Variants in ANKRD11 observed in about 807,000 individuals in gnomAD.
The protein encoded by ANKRD11 is ankyrin repeat domain-containing protein 11.
In ANKRD11, 17 loss-of-function variants were observed where a neutral mutation model predicts 195.7. That is an observed-to-expected ratio of 0.09 (90% CI 0.06 to 0.13). The LOEUF is 0.13. Ranked by LOEUF, ANKRD11 falls within the 10% of genes least tolerant of loss-of-function variation. The probability of loss-of-function intolerance (pLI) is 1.00; values close to 1 mark genes in which losing one functional copy is unlikely to be tolerated. For synonymous variants in ANKRD11, 1,953 were observed against 1,528.1 expected (o/e 1.28, Z -6.49); for missense variants, 3,735 against 3,566.1 (o/e 1.05, Z -1.21).
chr16:89,308,895 G>A (rs1364855363), intron 3 of ANKRD11, among the ~76,000 whole-genome samples: 1 of 152,192 alleles, frequency 6.6e-6, no homozygotes, highest in East Asian at 1.9e-4. Flanking sequence ...AACACAGGAG[G>A]TGCGCGCAGC....
chr16:89,281,031 C>T lies in ANKRD11; in HGVS notation c.5511G>A (p.Pro1837=), dbSNP rs760829206. ...PSMEDRAPLP[P]VPAEKFACLS... is the part of the protein sequence containing the mutation. ...AGCAGGCAAACTTCTCCGCGGGAAC[C>T]GGGGGCAGGGGCGCCCTGTCTTCCA... Residue 1837 remains proline (P), a synonymous_variant, in exon 9 of 13, where the codon CCG becomes CCA. Transcript: ENST00000301030. The surrounding 1 kb of genome is among the most constrained non-coding windows in gnomAD (Gnocchi z 5.5). The T allele has an allele frequency of 1.1e-5, 17 of 1,597,276 alleles. No individual in the cohort carries two copies. The highest frequency in any genetic ancestry group is 3.3e-4 in the Middle Eastern group (2 of 5,976).
chr16:89,390,080 G>A lies in ANKRD11; in HGVS notation c.-60+28204C>T, dbSNP rs374798810. Reference sequence around the variant, plus strand: ...CACTGGGGCGAACACCGAGTGTGGCGGGGAGCACAGACAGAGAAGATCACT... The same window carrying A: ...CACTGGGGCGAACACCGAGTGTGGCAGGGAGCACAGACAGAGAAGATCACT... On this transcript the variant is annotated intron_variant, in intron 2 of 12. Coordinates refer to ENST00000301030, the MANE Select transcript of ANKRD11 (RefSeq NM_013275.6). 7.8e-4 allele frequency among the ~76,000 whole-genome samples: 48 copies of A among 61,666 alleles called. 9 individuals are homozygous for A. The South Asian group carries it at 0.023, about 30-fold the overall frequency. 40.5% of individuals were successfully genotyped at this position (61,666 alleles called of 152,430 possible).
chr16:89,388,740 C>T (rs948333440), intron 2 of ANKRD11, among the ~76,000 whole-genome samples: 1 of 152,164 alleles, frequency 6.6e-6, no homozygotes, highest in Non-Finnish European at 1.5e-5. Flanking sequence ...CCCGGGCTCA[C>T]ACAGGTCTGG....
intron 11 of ANKRD11, among the ~76,000 whole-genome samples, chr16:89,274,032 G>T (rs913793968): frequency 6.6e-6 from 1 of 152,214 alleles, no homozygotes; most frequent in Non-Finnish European, 1.5e-5. Flanking sequence ...GGAGGAGGGA[G>T]GGGCTGATGC....
chr16:89,442,978 TGAA>T (rs772888134), intron 1 of ANKRD11, among the ~76,000 whole-genome samples: 54 of 152,344 alleles, frequency 3.5e-4, no homozygotes, highest in Admixed American at 1.0e-3. Context: ...TTTTCAAATG[TGAA>T]GTATTTCATT....
intron 1 of ANKRD11, among the ~76,000 whole-genome samples, chr16:89,466,190 C>T (rs973591322): frequency 1.3e-5 from 2 of 151,902 alleles, no homozygotes; most frequent in South Asian, 2.1e-4. Context: ...CTACAAGCAA[C>T]GAGCCCCCAC....
chr16:89,322,332 T>C (rs1189601973), intron 2 of ANKRD11, among the ~76,000 whole-genome samples: 1 of 152,254 alleles, frequency 6.6e-6, no homozygotes, highest in Non-Finnish European at 1.5e-5. Context: ...AGTATGTTGA[T>C]AGAACAGGCC....
At chr16:89,381,331 CAA>C (rs10567322) in intron 2 of ANKRD11, among the ~76,000 whole-genome samples, 76 of 76,350 alleles carry the variant, frequency 1.0e-3, no homozygotes, top group African/African-American at 2.3e-3. Context: ...GACTCTGCTG[CAA>C]AAAAAAAAAA....
In ANKRD11 at chr16:89,284,553, G is replaced by C. The variant is rs773130868; in HGVS notation, c.1989C>G (p.Asp663Glu). ...KLKSFTYEYEDSKQKSDKAIL... is the reference protein window; with the variant it reads ...KLKSFTYEYEESKQKSDKAIL... The stretch of plus-strand genomic sequence containing the variant: ...TAGCCTTATCTGACTTCTGCTTGGA[G>C]TCCTCATATTCGTAAGTAAAACTTT... Residue 663 changes from aspartate to glutamate, a missense_variant, in exon 9 of 13, where the codon GAC (aspartate) becomes GAG (glutamate). Transcript: ENST00000301030. 1 of 1,614,114 alleles carries C rather than the reference G, an allele frequency of 6.2e-7. No individual in the cohort carries two copies. Among genetic ancestry groups the C allele is most frequent in the Admixed American group, 1.7e-5 (1 of 60,020 alleles).
In ANKRD11 at chr16:89,368,385, T is replaced by G. The variant is rs867718534; in HGVS notation, c.-60+49899A>C. ...CTAATTTTTGTGTTTTTTTTTTTTT[T>G]TTTTTTTTTTTTTTTTTAGTAGAGA... On this transcript the variant is annotated intron_variant, in intron 2 of 12. Coordinates refer to ENST00000301030, the MANE Select transcript of ANKRD11 (RefSeq NM_013275.6). Among the ~76,000 whole-genome samples, 658 of 129,252 alleles carry G rather than the reference T, an allele frequency of 5.1e-3. 5 individuals carry two copies. Among genetic ancestry groups the G allele is most frequent in the African/African-American group, 0.017 (521 of 30,582 alleles). 84.8% of individuals were successfully genotyped at this position (129,252 alleles called of 152,430 possible).
intron 6 of ANKRD11, among the ~76,000 whole-genome samples, chr16:89,290,214 C>A: frequency 6.6e-6 from 1 of 150,442 alleles, no homozygotes; most frequent in Non-Finnish European, 1.5e-5. Flanking sequence ...GGGAGGCTCA[C>A]GGCTCCAATG....
intron 3 of ANKRD11, among the ~76,000 whole-genome samples, chr16:89,306,610 G>A (rs1597561830): frequency 1.5e-5 from 1 of 66,578 alleles, no homozygotes; most frequent in Non-Finnish European, 2.8e-5. Context: ...CTCCCACTCC[G>A]CAGACACGCG....
intron 2 of ANKRD11, among the ~76,000 whole-genome samples, chr16:89,364,089 A>G (rs2039848500): frequency 7.2e-6 from 1 of 138,538 alleles, no homozygotes; most frequent in Non-Finnish European, 1.6e-5. Context: ...CACACACTCA[A>G]TGGAAGGCAA....
chr16:89,473,628 T>A (rs145678425), intron 1 of ANKRD11, among the ~76,000 whole-genome samples: 33 of 152,174 alleles, frequency 2.2e-4, no homozygotes, highest in African/African-American at 8.0e-4. Flanking sequence ...GACGCACCGC[T>A]CTCCCACAGA....
intron 3 of ANKRD11, among the ~76,000 whole-genome samples, chr16:89,305,636 G>A (rs1051745746): frequency 3.3e-5 from 5 of 149,448 alleles, no homozygotes; most frequent in African/African-American, 5.0e-5. Context: ...AGACACACAC[G>A]CGCTACCTCT....
intron 2 of ANKRD11, among the ~76,000 whole-genome samples, chr16:89,328,698 G>A (rs1357085499): frequency 1.4e-5 from 2 of 146,054 alleles, no homozygotes; most frequent in South Asian, 2.2e-4. Context: ...GAGCACGGGC[G>A]AAATCAGTGG....
intron 2 of ANKRD11, among the ~76,000 whole-genome samples, chr16:89,382,218 G>C (rs573534645): frequency 1.3e-5 from 2 of 152,260 alleles, no homozygotes; most frequent in East Asian, 3.9e-4. Context: ...TAAGGCCACT[G>C]ACCAGGGCAG....
At chr16:89,352,695 C>G (rs1300103306) in intron 2 of ANKRD11, among the ~76,000 whole-genome samples, 1 of 152,218 alleles carries the variant, frequency 6.6e-6, no homozygotes, top group Non-Finnish European at 1.5e-5. Context: ...CCACCCAATT[C>G]ACCAGTTTAT....
intron 2 of ANKRD11, among the ~76,000 whole-genome samples, chr16:89,404,195 G>A (rs1009803873): frequency 1.3e-5 from 2 of 152,194 alleles, no homozygotes; most frequent in Non-Finnish European, 2.9e-5. Context: ...GCCTCAGGCA[G>A]CATGGGGTTG....
Sources: gnomAD v4.1 joint callset for allele counts (sites outside exome capture counted in the v4.1 genomes callset) on GRCh38, gnomAD v4.1.1 for gene constraint, Gnocchi (gnomAD v3.1) non-coding constraint, MANE v1.5 for transcripts, NCBI Gene and HGNC (gene_info 2026-07-23, HGNC 2026-07-21) for gene names.